The following TLE2 variants were observed in gnomAD, a reference collection of about 807,000 sequenced individuals.
TLE2 encodes TLE family member 2, transcriptional corepressor, also known as transducin-like enhancer protein 2.
A neutral mutation model predicts 97.2 loss-of-function variants in TLE2; 74 were observed. The observed-to-expected ratio is 0.76, with a 90% CI of 0.63 to 0.92. The LOEUF (loss-of-function observed/expected upper bound fraction) is 0.92. Among genes scored for constraint, TLE2 ranks in the 40% least tolerant of loss-of-function variants. The probability of loss-of-function intolerance (pLI) is 0.00; values close to 1 mark genes in which losing one functional copy is unlikely to be tolerated. For synonymous variants in TLE2, 499 were observed against 432.1 expected, an observed-to-expected ratio of 1.15 and a Z score of -1.92; for missense variants, 1,038 against 1,008.7, an observed-to-expected ratio of 1.03 and a Z score of -0.39.
At chr19:3,009,421 G>A (rs2089543444) in intron 13 of TLE2, 121 bp downstream of exon 13, 11 of 1,240,028 alleles carry the variant, frequency 8.9e-6, no homozygotes, top group African/African-American at 4.6e-5. Context: ...CATACTTGCT[G>A]AGCCAGGGCT....
rs1214643239 is a variant in TLE2, at chr19:3,013,812, G to A, written c.730C>T (p.Pro244Ser). The stretch of plus-strand genomic sequence containing the variant: ...GTAGCCGGGCTGGGGGGCTCTGAGG[G>A]TTGGTCCTGGGTTTGAGGAGGTGAC... ...DYNLVVDEDQ[P>S]SEPPSPATTP... The change falls in exon 11 of 20, where the codon CCC (proline) becomes TCC (serine). Residue 244 changes from proline (P) to serine (S), a missense_variant. Coordinates refer to ENST00000262953, the MANE Select transcript of TLE2 (RefSeq NM_003260.5). The A allele has an allele frequency of 5.2e-6, 8 of 1,542,968 alleles. No individual in the cohort carries two copies. The highest frequency in any genetic ancestry group is 7.0e-6 in the Non-Finnish European group (8 of 1,150,022).
chr19:3,035,224 G>A (rs1168817299), intron 1 of TLE2, among the ~76,000 whole-genome samples: 4 of 152,124 alleles, frequency 2.6e-5, no homozygotes. Flanking sequence ...CAGCAACTGT[G>A]TGCATACTGG....
At position 3,017,441 on chromosome 19, in the gene TLE2, T is replaced by C. The variant is rs1433530764; in HGVS notation, c.570+399A>G. On this transcript the variant is annotated intron_variant, in intron 8 of 19. Transcript: ENST00000262953. ...GCACGCACCTGGCCTGGTTTTTTTT[T>C]TTCTTTCTTTCTTTTTTTTTTTTTT... 3.9e-5 allele frequency among the ~76,000 whole-genome samples: 5 copies of C among 128,178 alleles called. 1 individual carries two copies. The highest frequency in any genetic ancestry group is 1.8e-4 in the African/African-American group (5 of 28,088). The allele number at this position is 128,178 out of a possible 152,430, so 84.1% of individuals were successfully genotyped here.
chr19:3,004,683 G>A (rs1279479252), intron 17 of TLE2, among the ~76,000 whole-genome samples: 2 of 151,458 alleles, frequency 1.3e-5, no homozygotes, highest in African/African-American at 4.9e-5. Context: ...CAAGGAGGAG[G>A]GGCAAATGAG....
rs1259447277 is a variant in TLE2 at position 3,019,678 on chromosome 19, G to A, written c.369+21C>T. 2 of 1,600,116 alleles carry A rather than the reference G, an allele frequency of 1.2e-6. No homozygotes were observed. The highest frequency in any genetic ancestry group is 3.4e-5 in the Admixed American group (2 of 58,044). On this transcript the variant is annotated intron_variant, in intron 6 of 19. Transcript: ENST00000262953. This position sits in a 1 kb window ranked among gnomAD's most constrained non-coding sequence, Gnocchi z 5.1. The stretch of plus-strand genomic sequence containing the variant: ...GGAGTGGGCGTCTCCCCATGGCGGG[G>A]CAGGGGCTAGAGAGACTCACCCCGA...
chr19:3,022,932 C>T (rs1259882472), intron 5 of TLE2, among the ~76,000 whole-genome samples: 1 of 152,102 alleles, frequency 6.6e-6, no homozygotes, highest in East Asian at 1.9e-4. Flanking sequence ...GTGGGCGTGG[C>T]TATGTCAATA....
intron 12 of TLE2, among the ~76,000 whole-genome samples, chr19:3,010,293 G>A (rs927093495): frequency 1.6e-4 from 25 of 151,684 alleles, no homozygotes; most frequent in African/African-American, 5.8e-4. Context: ...GAACCTGGGA[G>A]CGGGAGGTTG....
chr19:3,047,171 T>G (rs1317156807), upstream of TLE2, among the ~76,000 whole-genome samples: 2 of 35,680 alleles, frequency 5.6e-5, no homozygotes, highest in Non-Finnish European at 1.1e-4. Context: ...CCCCTCCCCC[T>G]ACCCTCCCCC....
chr19:3,047,555 ATACT>A (rs1186303824), upstream of TLE2: 1 of 150,916 alleles, frequency 6.6e-6, no homozygotes, highest in Admixed American at 6.6e-5. Flanking sequence ...AATATCAGTA[ATACT>A]TACTATTGTT....
intron 1 of TLE2, among the ~76,000 whole-genome samples, chr19:3,041,011 ATATTTTTTTTTTTT>A (rs1772930094): frequency 3.0e-5 from 1 of 33,580 alleles, no homozygotes; most frequent in Non-Finnish European, 4.7e-5. Context: ...ATATATATAT[ATATTTTTTTTTTTT>A]TTTTTTTTTT....
chr19:3,040,464 C>T (rs1169156113), intron 1 of TLE2, among the ~76,000 whole-genome samples: 1 of 151,790 alleles, frequency 6.6e-6, no homozygotes, highest in Non-Finnish European at 1.5e-5. Flanking sequence ...CCTCAGCCTC[C>T]CGAGTAGCTG....
Position 3,008,936 on chromosome 19 carries a change from CA to C in TLE2, c.1182del (p.Phe394LeufsTer47). On this transcript the variant is annotated frameshift_variant, in exon 14 of 20. Coordinates refer to ENST00000262953, the MANE Select transcript of TLE2 (RefSeq NM_003260.5). LOFTEE classifies it high-confidence loss of function. ...VVYGRSPVMA[F>X]ESHPHLRGSS... ...GACCCTCGGAGATGGGGATGAGACT[CA>C]AATGCCATCTGTGAGAATGCCAGGG... 2 of 1,589,664 alleles carry C rather than the reference CA, an allele frequency of 1.3e-6. No individual in the cohort carries two copies. Among genetic ancestry groups the C allele is most frequent in the Non-Finnish European group, 1.7e-6 (2 of 1,168,160 alleles).
upstream of TLE2, among the ~76,000 whole-genome samples, chr19:3,032,682 G>T (rs1422823632): frequency 6.6e-6 from 1 of 152,170 alleles, no homozygotes; most frequent in Non-Finnish European, 1.5e-5. The surrounding 1 kb of genome is among the most constrained non-coding windows in gnomAD (Gnocchi z 4.1). Flanking sequence ...TCAATAACCA[G>T]CCTAAAGCCA....
intron 17 of TLE2, among the ~76,000 whole-genome samples, chr19:3,004,614 C>CAAAAAAAA (rs61444494): frequency 1.1e-5 from 1 of 88,906 alleles, no homozygotes. Context: ...AACTCTGTCT[C>CAAAAAAAA]AAAAAAAAAA....
rs558629130 is a variant in TLE2 at position 2,998,104 on chromosome 19, C to G, written c.2125-149G>C. On this transcript the variant is annotated intron_variant, in intron 19 of 19. Transcript: ENST00000262953. ...TCTTTTTTTGAGATGGAGTTTTGTT[C>G]TTGTCGCCCAGGCTGAAGTGCAGTG... 1.1e-3 allele frequency: 701 copies of G among 628,202 alleles called. 4 individuals are homozygous for G. The Middle Eastern group carries it at 0.023, about 21-fold the overall frequency. 38.9% of individuals were successfully genotyped at this position (628,202 alleles called of 1,614,324 possible). A position where few individuals can be genotyped will look rare whatever the true frequency, so the allele number is the denominator to read the frequency against.
chr19:3,046,466 T>G (rs914068400), upstream of TLE2, among the ~76,000 whole-genome samples: 1 of 152,226 alleles, frequency 6.6e-6, no homozygotes, highest in East Asian at 1.9e-4. Flanking sequence ...GGGGATTCTG[T>G]AAGTGCTCCC....
rs10417792 is a variant in TLE2, at chr19:3,020,881, T to C, written c.295-1108A>G. Among the ~76,000 whole-genome samples the C allele has an allele frequency of 8.6e-3, 1,249 of 145,934 alleles. 17 individuals carry two copies. Among genetic ancestry groups the C allele is most frequent in the African/African-American group, 0.03 (1,183 of 39,218 alleles). On this transcript the variant is annotated intron_variant, in intron 5 of 19. Transcript: ENST00000262953. ...CAGGTGGATCACTTGAGGTCAGGAGTTCAAGACCAGCCTGGCCAACATGGT... is the reference window on the plus strand; with the variant it reads ...CAGGTGGATCACTTGAGGTCAGGAGCTCAAGACCAGCCTGGCCAACATGGT...
chr19:3,043,167 C>G (rs751446274), intron 1 of TLE2, among the ~76,000 whole-genome samples: 2 of 150,956 alleles, frequency 1.3e-5, no homozygotes, highest in Non-Finnish European at 2.9e-5. Context: ...CTCACCGTGT[C>G]GCCCAGGCTA....
chr19:3,039,591 G>C (rs751219238), intron 1 of TLE2, among the ~76,000 whole-genome samples: 8 of 152,194 alleles, frequency 5.3e-5, no homozygotes, highest in African/African-American at 9.6e-5. Context: ...TCAGTCTTCC[G>C]AGGCCTCGTG....
Sources: gnomAD v4.1 joint callset for allele counts (sites outside exome capture counted in the v4.1 genomes callset) on GRCh38, gnomAD v4.1.1 for gene constraint, Gnocchi (gnomAD v3.1) non-coding constraint, MANE v1.5 for transcripts, NCBI Gene and HGNC (gene_info 2026-07-23, HGNC 2026-07-21) for gene names.